Variants in ADD1 observed in about 807,000 individuals in gnomAD.
The protein encoded by ADD1 is alpha-adducin.
Under a neutral mutation model 80.5 loss-of-function variants are expected in ADD1, and 24 were observed. The ratio of observed to expected loss-of-function variants is 0.30; its 90% confidence interval spans 0.22 to 0.42. ADD1 has a LOEUF of 0.42. Ranked by LOEUF, ADD1 falls within the 10% of genes least tolerant of loss-of-function variation. The pLI, the probability that ADD1 is intolerant of heterozygous loss-of-function variation, is 1.00. For missense variants in ADD1, 948 were observed against 1,019.0 expected (o/e 0.93, Z 0.95); for synonymous variants, 373 against 393.8 (o/e 0.95, Z 0.63).
chr4:2,879,290 G>A (rs754458158), intron 2 of ADD1, among the ~76,000 whole-genome samples: 7 of 152,260 alleles, frequency 4.6e-5, no homozygotes, highest in African/African-American at 9.6e-5. Flanking sequence ...CTTACAGGTC[G>A]TCTGAAATGC....
At chr4:2,920,210 G>A (rs1263341) in intron 14 of ADD1, among the ~76,000 whole-genome samples, 72,678 of 152,002 alleles carry the variant, frequency 0.48, 17,771 homozygotes, top group South Asian at 0.67. Flanking sequence ...GAGACTGTTT[G>A]TTATGATTTC....
intron 2 of ADD1, among the ~76,000 whole-genome samples, chr4:2,880,632 C>G (rs1035202852): frequency 1.3e-5 from 2 of 151,666 alleles, no homozygotes; most frequent in Non-Finnish European, 1.5e-5. Context: ...CCCACCACCA[C>G]GCCTGGCTTA....
Position 2,899,411 on chromosome 4 carries a change from C to T in ADD1, c.1137C>T (p.Ala379=). 6.2e-7 allele frequency: 1 copy of T among 1,614,160 alleles called. No individual in the cohort carries two copies. Among genetic ancestry groups the T allele is most frequent in the Non-Finnish European group, 8.5e-7 (1 of 1,180,030 alleles). The change falls in exon 9 of 16, where the codon GCC becomes GCT. Residue 379 remains alanine (A), a synonymous_variant. Transcript: ENST00000683351. ...AGATTGGTGAGCAGGAATTTGAAGC[C>T]CTCATGCGGATGCTCGATAATCTGG... ...KWQIGEQEFE[A]LMRMLDNLGY...
intron 6 of ADD1, among the ~76,000 whole-genome samples, chr4:2,896,795 G>C (rs1181890341): frequency 6.6e-6 from 1 of 152,176 alleles, no homozygotes; most frequent in Non-Finnish European, 1.5e-5. Flanking sequence ...ATCTCACCCT[G>C]TCTCCCAGGC....
rs1388430378 is a variant in ADD1, at chr4:2,881,960, A to G, written c.258A>G (p.Thr86=). The change falls in exon 3 of 16, where the codon ACA becomes ACG. Residue 86 remains threonine (T), a synonymous_variant. Coordinates refer to ENST00000683351, the MANE Select transcript of ADD1 (RefSeq NM_001354761.2). ...AATTTAAGAAGGGGAAGAACCCCAC[A>G]GGCCTATTGGCATTACAGCAGATTG... The part of the protein sequence containing the change: ...QEQFKKGKNP[T]GLLALQQIAD... 2 of 1,613,338 alleles carry G rather than the reference A, an allele frequency of 1.2e-6. No individual in the cohort carries two copies. The highest frequency in any genetic ancestry group is 1.1e-5 in the South Asian group (1 of 90,836).
chr4:2,852,714 T>G (rs1427478692), intron 1 of ADD1, among the ~76,000 whole-genome samples: 28 of 149,572 alleles, frequency 1.9e-4, no homozygotes, highest in African/African-American at 6.4e-4. Context: ...TTTTTTTTTT[T>G]TGGAGACAGA....
At chr4:2,924,996 G>A (rs1740728916) in intron 14 of ADD1, among the ~76,000 whole-genome samples, 1 of 152,228 alleles carries the variant, frequency 6.6e-6, no homozygotes, top group African/African-American at 2.4e-5. Flanking sequence ...CCTTCAGCAG[G>A]GCTGTGATGG....
chr4:2,880,072 A>C (rs535918837), intron 2 of ADD1, among the ~76,000 whole-genome samples: 1 of 152,262 alleles, frequency 6.6e-6, no homozygotes, highest in South Asian at 2.1e-4. Context: ...TTTGATGACA[A>C]AGATGGCTAA....
intron 9 of ADD1, chr4:2,904,563 T>C (rs1736722480): frequency 1.7e-6 from 1 of 600,440 alleles, no homozygotes; most frequent in African/African-American, 1.9e-5. Flanking sequence ...TTACGAGGAG[T>C]AGGGTTGCTG....
chr4:2,909,264 C>A, intron 12 of ADD1, 75 bp from the exon 13 acceptor site: 2 of 1,287,638 alleles, frequency 1.6e-6, no homozygotes, highest in Non-Finnish European at 2.2e-6. Context: ...TCTTAGCCAG[C>A]TCCATCCTGT....
chr4:2,865,402 A>G (rs576753319), intron 1 of ADD1, among the ~76,000 whole-genome samples: 1 of 152,196 alleles, frequency 6.6e-6, no homozygotes, highest in Admixed American at 6.5e-5. Context: ...CATCCTCAGA[A>G]GTTTCAGAGT....
rs1732926786 is a variant in ADD1 at position 2,884,542 on chromosome 4, A to G, written c.386A>G (p.Asp129Gly). 6.2e-7 allele frequency: 1 copy of G among 1,611,822 alleles called. No homozygotes were observed. Among genetic ancestry groups the G allele is most frequent in the African/African-American group, 1.3e-5 (1 of 74,830 alleles). Residue 129 changes from aspartate to glycine, a missense_variant, in exon 4 of 16, where the codon GAT becomes GGT. Coordinates refer to ENST00000683351, the MANE Select transcript of ADD1 (RefSeq NM_001354761.2). ...CTTGGTATGGTGACTCCTGTGAACGATCTTAGAGGATCTGATTCTATTGCG... is the reference window on the plus strand; with the variant it reads ...CTTGGTATGGTGACTCCTGTGAACGGTCTTAGAGGATCTGATTCTATTGCG... The part of the protein sequence containing the change: ...MSLGMVTPVN[D>G]LRGSDSIAYD...
At chr4:2,901,960 G>C (rs1313639487) in intron 9 of ADD1, 1 of 144,312 alleles carries the variant, frequency 6.9e-6, no homozygotes, top group Non-Finnish European at 1.5e-5. Context: ...TCATCATGTT[G>C]CCTAGGCTGG....
At chr4:2,888,811 A>G (rs916110709) in intron 4 of ADD1, among the ~76,000 whole-genome samples, 1 of 152,190 alleles carries the variant, frequency 6.6e-6, no homozygotes, top group Non-Finnish European at 1.5e-5. Flanking sequence ...GTTGTATACT[A>G]TGAAAAACAA....
chr4:2,918,872 G>C (rs1287671760), intron 14 of ADD1, among the ~76,000 whole-genome samples: 1 of 150,098 alleles, frequency 6.7e-6, no homozygotes, highest in Non-Finnish European at 1.5e-5. Flanking sequence ...TCTTTCCTGA[G>C]ACGGAGTCTC....
chr4:2,891,229 C>G (rs1337235104), intron 4 of ADD1, among the ~76,000 whole-genome samples: 1 of 151,848 alleles, frequency 6.6e-6, no homozygotes, highest in Non-Finnish European at 1.5e-5. Flanking sequence ...AAAGTGGGTG[C>G]ATCACTTGAG....
chr4:2,852,198 C>T (rs774088861), intron 1 of ADD1, among the ~76,000 whole-genome samples: 1 of 76,586 alleles, frequency 1.3e-5, no homozygotes, highest in Admixed American at 1.3e-4. Context: ...TTCTTTCTTT[C>T]CTTTCTTTCC....
intron 13 of ADD1, among the ~76,000 whole-genome samples, chr4:2,909,812 C>T (rs1737716538): frequency 6.6e-6 from 1 of 151,876 alleles, no homozygotes; most frequent in Non-Finnish European, 1.5e-5. Flanking sequence ...GCAGCGGCCA[C>T]TCCCGAGTGC....
At chr4:2,848,861 T>A (rs1726651695) in intron 1 of ADD1, among the ~76,000 whole-genome samples, 1 of 152,204 alleles carries the variant, frequency 6.6e-6, no homozygotes, top group Admixed American at 6.5e-5. Context: ...CATCTATAAA[T>A]ACATTCTCAG....
Sources: allele counts gnomAD v4.1 joint callset (sites outside exome capture counted in the v4.1 genomes callset), GRCh38; gene constraint gnomAD v4.1.1; transcripts MANE v1.5; gene names NCBI Gene and HGNC (gene_info 2026-07-23, HGNC 2026-07-21).